Variants in MCF2L2 observed in about 807,000 individuals in gnomAD.
MCF2L2 encodes the protein probable guanine nucleotide exchange factor MCF2L2.
MCF2L2 carries 102 observed loss-of-function variants against 150.2 expected under a neutral mutation model. That is an observed-to-expected ratio of 0.68 (90% CI 0.58 to 0.80). MCF2L2 has a LOEUF of 0.80. Ranked by LOEUF, MCF2L2 falls within the 30% of genes least tolerant of loss-of-function variation. The pLI is 0.00. For missense variants in MCF2L2, 1,256 were observed against 1,372.8 expected, an observed-to-expected ratio of 0.91 and a Z score of 1.34; for synonymous variants, 465 against 491.3, an observed-to-expected ratio of 0.95 and a Z score of 0.71.
chr3:183,316,663 T>C (rs531454269), intron 7 of MCF2L2, among the ~76,000 whole-genome samples: 1 of 151,092 alleles, frequency 6.6e-6, no homozygotes, highest in Admixed American at 6.6e-5. Flanking sequence ...ATATTTTGAT[T>C]ACTGACAGTA....
Position 183,427,926 on chromosome 3 carries a change from G to C in MCF2L2, c.52C>G (p.Leu18Val), listed in dbSNP as rs769548073. 3 of 1,614,158 alleles carry C rather than the reference G, an allele frequency of 1.9e-6. No homozygotes were observed. In the East Asian group the frequency reaches 6.7e-5, roughly 36 times the overall value. Reference protein sequence around the residue: ...EMPPQELTRRLATVITHVDEI... With the variant: ...EMPPQELTRRVATVITHVDEI... Reference sequence around the variant, plus strand: ...CCGACATGAGTGATCACTGTGGCCAGTCGCCGGGTGAGCTCCTGGGGAGGC... The same window carrying C: ...CCGACATGAGTGATCACTGTGGCCACTCGCCGGGTGAGCTCCTGGGGAGGC... The change falls in exon 1 of 30, where the codon CTG becomes GTG. Residue 18 changes from leucine (L) to valine (V), a missense_variant. Transcript: ENST00000328913.
At position 183,395,917 on chromosome 3, in the gene MCF2L2, C is replaced by CAA. The variant is rs11338932; in HGVS notation, c.77-6140_77-6139dup. 9.3e-3 allele frequency among the ~76,000 whole-genome samples: 542 copies of CAA among 57,982 alleles called. 13 individuals are homozygous for CAA. Among genetic ancestry groups the CAA allele is most frequent in the African/African-American group, 0.036 (503 of 14,028 alleles). 38.0% of individuals were successfully genotyped at this position (57,982 alleles called of 152,430 possible). A position where few individuals can be genotyped will look rare whatever the true frequency, so the allele number is the denominator to read the frequency against. On this transcript the variant is annotated intron_variant, in intron 1 of 29. Transcript: ENST00000328913. The stretch of plus-strand genomic sequence containing the variant: ...TGGGCAACAGCGCAAGACATCGTCT[C>CAA]AAAAAAAAAAAAAAAAAAAAAGAAA...
chr3:183,311,334 G>A (rs904828574), intron 8 of MCF2L2, among the ~76,000 whole-genome samples: 2 of 152,024 alleles, frequency 1.3e-5, no homozygotes, highest in South Asian at 2.1e-4. Flanking sequence ...GAGACTACAC[G>A]AATATAAAGC....
At position 183,245,493 on chromosome 3, in the gene MCF2L2, C is replaced by T. The variant is rs181296122; in HGVS notation, c.1863-14476G>A. ...AGGAGATGGTTGTCATGCCAGGCCA[C>T]GAGTGTGGATGAGTGCTGGCCAGGG... On this transcript the variant is annotated intron_variant, in intron 15 of 29. Transcript: ENST00000328913. Among the ~76,000 whole-genome samples the T allele has an allele frequency of 1.1e-3, 172 of 152,054 alleles. 1 individual carries two copies. The highest frequency in any genetic ancestry group is 4.3e-3 in the Admixed American group (65 of 15,264).
intron 5 of MCF2L2, among the ~76,000 whole-genome samples, chr3:183,337,595 C>T (rs766322028): frequency 2.6e-5 from 4 of 151,640 alleles, no homozygotes; most frequent in African/African-American, 7.3e-5. Flanking sequence ...AACTATCAGC[C>T]GTTTCCATTG....
chr3:183,202,581 C>T (rs895229763), intron 25 of MCF2L2, among the ~76,000 whole-genome samples: 2 of 152,198 alleles, frequency 1.3e-5, no homozygotes, highest in South Asian at 4.1e-4. Context: ...AATGTGCACA[C>T]AGAGCCCCTT....
At chr3:183,334,262 A>G (rs1730381105) in intron 5 of MCF2L2, among the ~76,000 whole-genome samples, 1 of 152,208 alleles carries the variant, frequency 6.6e-6, no homozygotes, top group Admixed American at 6.5e-5. Context: ...AGAATCTTTA[A>G]TGGATACTAA....
chr3:183,206,996 A>C, intron 23 of MCF2L2, among the ~76,000 whole-genome samples: 1 of 115,716 alleles, frequency 8.6e-6, no homozygotes, highest in Admixed American at 8.7e-5. Flanking sequence ...GGAGGAAGGA[A>C]GGGAGGGAGG....
chr3:183,238,813 C>T (rs944804481), intron 15 of MCF2L2, among the ~76,000 whole-genome samples: 9 of 150,584 alleles, frequency 6.0e-5, no homozygotes, highest in East Asian at 2.0e-4. Context: ...CTGGCTAACA[C>T]GGTGAAACCC....
intron 3 of MCF2L2, among the ~76,000 whole-genome samples, chr3:183,345,208 T>C (rs777769609): frequency 1.3e-5 from 2 of 152,204 alleles, no homozygotes; most frequent in Non-Finnish European, 2.9e-5. Flanking sequence ...ATGGGAATCA[T>C]AACAAACAGT....
chr3:183,417,569 GA>G (rs1388637128), intron 1 of MCF2L2, among the ~76,000 whole-genome samples: 1 of 152,082 alleles, frequency 6.6e-6, no homozygotes, highest in Non-Finnish European at 1.5e-5. Context: ...TACCACCTGG[GA>G]TCACTTGCTT....
At position 183,270,207 on chromosome 3, in the gene MCF2L2, C is replaced by T. The variant is rs111341243; in HGVS notation, c.1862+6665G>A. On this transcript the variant is annotated intron_variant, in intron 15 of 29. Transcript: ENST00000328913. The surrounding 1 kb of genome is among the most constrained non-coding windows in gnomAD (Gnocchi z 4.5). ...GTTTGCCTTAGGAACTCCTAATCCA[C>T]TGGAGGGAGAAGAACTACAAAGAAA... 8.7e-6 allele frequency: 14 copies of T among 1,614,160 alleles called. No homozygotes were observed. The highest frequency in any genetic ancestry group is 1.6e-4 in the Middle Eastern group (1 of 6,062).
chr3:183,230,392 G>A (rs2108671721), intron 16 of MCF2L2, among the ~76,000 whole-genome samples: 1 of 152,282 alleles, frequency 6.6e-6, no homozygotes, highest in Admixed American at 6.5e-5. Flanking sequence ...GGGATTACAG[G>A]CGTGAGCCAC....
intron 15 of MCF2L2, chr3:183,272,298 A>G: frequency 1.0e-6 from 1 of 1,000,278 alleles, no homozygotes; most frequent in Non-Finnish European, 1.2e-6. Flanking sequence ...ACTGCTAGGG[A>G]GATTATATGA....
intron 3 of MCF2L2, among the ~76,000 whole-genome samples, chr3:183,352,673 T>C (rs1393477762): frequency 6.6e-6 from 1 of 152,116 alleles, no homozygotes; most frequent in East Asian, 1.9e-4. Context: ...TCAGTAGCTC[T>C]TGAGTAAAAA....
intron 1 of MCF2L2, among the ~76,000 whole-genome samples, chr3:183,415,766 T>A (rs944070952): frequency 6.6e-6 from 1 of 152,206 alleles, no homozygotes; most frequent in Non-Finnish European, 1.5e-5. Context: ...ACTAGTTGTA[T>A]CTTTGAATAT....
At position 183,215,958 on chromosome 3, in the gene MCF2L2, A is replaced by G. The variant is rs1487960508; in HGVS notation, c.2496+11T>C. On this transcript the variant is annotated intron_variant, in intron 22 of 29. Transcript: ENST00000328913. ...TTGTGTGAGATGCTCTAACACTACT[A>G]TGGAACATACCGGACATTCAGTCAC... 1 of 1,612,528 alleles carries G rather than the reference A, an allele frequency of 6.2e-7. No individual in the cohort carries two copies. The highest frequency in any genetic ancestry group is 1.1e-5 in the South Asian group (1 of 90,882).
chr3:183,270,719 T>C lies in MCF2L2; in HGVS notation c.1862+6153A>G. 2 of 1,613,744 alleles carry C rather than the reference T, an allele frequency of 1.2e-6. No homozygotes were observed. The highest frequency in any genetic ancestry group is 1.7e-6 in the Non-Finnish European group (2 of 1,179,888). The stretch of plus-strand genomic sequence containing the variant: ...ACCATGTGTTTTTTTCTGGAGAGGG[T>C]AAAACTCCTTATCATCCCTGCATCT... On this transcript the variant is annotated intron_variant, in intron 15 of 29. Transcript: ENST00000328913. This position sits in a 1 kb window ranked among gnomAD's most constrained non-coding sequence, Gnocchi z 4.5.
intron 3 of MCF2L2, among the ~76,000 whole-genome samples, chr3:183,350,747 AC>A: frequency 1.3e-5 from 2 of 152,004 alleles, no homozygotes; most frequent in Non-Finnish European, 2.9e-5. Context: ...TACTAAAACT[AC>A]AAAAAATTAG....
Sources: gnomAD v4.1 joint callset for allele counts (sites outside exome capture counted in the v4.1 genomes callset) on GRCh38, gnomAD v4.1.1 for gene constraint, Gnocchi (gnomAD v3.1) non-coding constraint, MANE v1.5 for transcripts, NCBI Gene and HGNC (gene_info 2026-07-23, HGNC 2026-07-21) for gene names.